DSG3: variants seen among roughly 807,000 people sequenced by gnomAD.
DSG3 encodes the protein desmoglein 3.
A neutral mutation model predicts 85.9 loss-of-function variants in DSG3; 63 were observed. The ratio of observed to expected loss-of-function variants is 0.73; its 90% CI spans 0.60 to 0.90. The LOEUF (loss-of-function observed/expected upper bound fraction) is 0.90, where lower values mean the gene tolerates loss of function less well. Among genes scored for constraint, DSG3 ranks in the 40% least tolerant of loss-of-function variants. DSG3 has a pLI of 0.00. For missense variants in DSG3, 1,220 were observed against 1,219.9 expected (o/e 1.00, Z 0.00); for synonymous variants, 447 against 441.9 (o/e 1.01, Z -0.14).
chr18:31,456,857 G>A, intron 2 of DSG3, 136 bp from the exon 3 acceptor site: 2 of 768,454 alleles, frequency 2.6e-6, no homozygotes, highest in Non-Finnish European at 4.1e-6. Context: ...AAAGTATCAG[G>A]TAGAGCTAAT....
intron 9 of DSG3, 118 bp downstream of exon 9, chr18:31,464,500 A>C (rs1462022292): frequency 8.8e-7 from 1 of 1,133,924 alleles, no homozygotes; most frequent in Middle Eastern, 2.8e-4. Context: ...GATTAAAAAC[A>C]AGAAACTGGG....
chr18:31,453,210 A>C (rs940568389), intron 1 of DSG3, among the ~76,000 whole-genome samples: 6 of 152,234 alleles, frequency 3.9e-5, no homozygotes, highest in African/African-American at 1.4e-4. Flanking sequence ...TAATAAATAC[A>C]AAATCATGTT....
intron 3 of DSG3, 119 bp from the exon 4 acceptor site, chr18:31,458,326 G>A: frequency 8.8e-7 from 1 of 1,133,952 alleles, no homozygotes; most frequent in East Asian, 2.4e-5. Context: ...AAAGTAAATG[G>A]CACAATGTCA....
Position 31,466,552 on chromosome 18 carries a change from A to G in DSG3, c.1434A>G (p.Thr478=), listed in dbSNP as rs946815996. The change falls in exon 11 of 16, where the codon ACA becomes ACG. Residue 478 remains threonine (T), a synonymous_variant. Coordinates refer to ENST00000257189, the MANE Select transcript of DSG3 (RefSeq NM_001944.3). Reference sequence around the variant, plus strand: ...CAGAATACACGGGTAAAACTTCTACAGGCACGGTATATGTTAGAGTACCCG... The same window carrying G: ...CAGAATACACGGGTAAAACTTCTACGGGCACGGTATATGTTAGAGTACCCG... ...AIDEYTGKTS[T]GTVYVRVPDF... is the part of the protein sequence containing the mutation. The G allele has an allele frequency of 6.2e-7, 1 of 1,614,204 alleles. No individual in the cohort carries two copies. The highest frequency in any genetic ancestry group is 8.5e-7 in the Non-Finnish European group (1 of 1,180,010).
chr18:31,462,663 G>T (rs1288874418), intron 8 of DSG3, among the ~76,000 whole-genome samples: 2 of 152,130 alleles, frequency 1.3e-5, no homozygotes, highest in Non-Finnish European at 2.9e-5. Context: ...TTTCCTCACA[G>T]CATACAGCCT....
At chr18:31,472,171 T>A in intron 12 of DSG3, 113 bp from the exon 13 acceptor site, 1 of 1,491,182 alleles carries the variant, frequency 6.7e-7, no homozygotes, top group African/African-American at 1.4e-5. Context: ...TTAGGAATTT[T>A]CTACAAATAT....
rs1167064369 is a variant in DSG3 at position 31,464,239 on chromosome 18, T to C, written c.1128T>C (p.Asn376=). ...CCCCAGTCACAATTCAGGTAATAAA[T>C]GTAAGAGAAGGAATTGCATTCCGTC... The part of the protein sequence containing the change: ...QSTPVTIQVI[N]VREGIAFRPA... The change falls in exon 9 of 16, where the codon AAT becomes AAC. Residue 376 remains asparagine (N), a synonymous_variant. Coordinates refer to ENST00000257189, the MANE Select transcript of DSG3 (RefSeq NM_001944.3). The C allele has an allele frequency of 1.9e-6, 3 of 1,614,050 alleles. No individual in the cohort carries two copies. Among genetic ancestry groups the C allele is most frequent in the African/African-American group, 1.3e-5 (1 of 74,930 alleles).
At chr18:31,461,027 G>A (rs72925140) in intron 7 of DSG3, 66 bp downstream of exon 7, 22,372 of 1,459,080 alleles carry the variant, frequency 0.015, 248 homozygotes, top group Middle Eastern at 0.034. Context: ...CCTAATTCAG[G>A]ACTTGCCTGT....
At position 31,472,356 on chromosome 18, in the gene DSG3, C is replaced by T. The variant is rs752158504; in HGVS notation, c.1970C>T (p.Pro657Leu). The T allele has an allele frequency of 1.9e-6, 3 of 1,614,156 alleles. No homozygotes were observed. The highest frequency in any genetic ancestry group is 1.1e-5 in the South Asian group (1 of 91,084). ...GGGGGAGTGACAGGTGGTTTTATCC[C>T]AGTTCCTGATGGCTCAGAAGGAACA... Reference protein sequence around the residue: ...STGGVTGGFIPVPDGSEGTIH... With the variant: ...STGGVTGGFILVPDGSEGTIH... The change falls in exon 13 of 16, where the codon CCA becomes CTA. Residue 657 changes from proline to leucine, a missense_variant. By Grantham distance (98) the Pro-to-Leu change is moderately conservative. Transcript: ENST00000257189.
intron 5 of DSG3, 103 bp from the exon 6 acceptor site, chr18:31,459,742 A>G: frequency 1.7e-6 from 2 of 1,151,124 alleles, no homozygotes; most frequent in Non-Finnish European, 2.4e-6. Flanking sequence ...TGATTTTAGG[A>G]TATTTAAAAA....
Position 31,465,476 on chromosome 18 carries a change from T to A in DSG3, c.1411+19T>A. The A allele has an allele frequency of 7.0e-7, 1 of 1,436,502 alleles. No homozygotes were observed. Among genetic ancestry groups the A allele is most frequent in the Non-Finnish European group, 9.2e-7 (1 of 1,090,370 alleles). 89.0% of individuals were successfully genotyped at this position (1,436,502 alleles called of 1,614,324 possible). A position where few individuals can be genotyped will look rare whatever the true frequency, so the allele number is the denominator to read the frequency against. On this transcript the variant is annotated intron_variant, in intron 10 of 15. Coordinates refer to ENST00000257189, the MANE Select transcript of DSG3 (RefSeq NM_001944.3). ...ATAGATGGTAAGAAAAATATTTGAATCATTTCAGAGGAATGTTATCGTAAT... is the reference window on the plus strand; with the variant it reads ...ATAGATGGTAAGAAAAATATTTGAAACATTTCAGAGGAATGTTATCGTAAT...
At chr18:31,472,496 A>C (rs2072862308) in intron 13 of DSG3, 73 bp downstream of exon 13, 1 of 1,513,386 alleles carries the variant, frequency 6.6e-7, no homozygotes, top group Admixed American at 2.1e-5. Context: ...GAGATAGGAA[A>C]AGAGGCAAAG....
chr18:31,466,795 C>T (rs2072823529), intron 11 of DSG3, 41 bp downstream of exon 11: 3 of 1,525,402 alleles, frequency 2.0e-6, no homozygotes, highest in East Asian at 4.5e-5. Context: ...GCAAACTGCT[C>T]CTTTGTATTT....
At position 31,478,184 on chromosome 18, in the gene DSG3, G is replaced by A. The variant is rs1444725891; in HGVS notation, c.*1924G>A. The stretch of plus-strand genomic sequence containing the variant: ...TAGATCCTGTGCAGCAGCCTGGTAA[G>A]TCCTGAGGAGGTTCCATTGCTCTTC... On this transcript the variant is annotated 3_prime_UTR_variant, in exon 16 of 16. Transcript: ENST00000257189. 6 of 152,272 alleles carry A rather than the reference G, an allele frequency of 3.9e-5. No individual in the cohort carries two copies. In the East Asian group the frequency reaches 1.2e-3, roughly 29 times the overall value. The allele number at this position is 152,272 out of a possible 1,614,324, so 9.4% of individuals were successfully genotyped here.
At chr18:31,468,827 G>A (rs992880179) in intron 11 of DSG3, among the ~76,000 whole-genome samples, 2 of 152,114 alleles carry the variant, frequency 1.3e-5, no homozygotes, top group African/African-American at 2.4e-5. Flanking sequence ...CAGTAAGAGT[G>A]AGTTGTTATA....
rs746223498 is a variant in DSG3, at chr18:31,464,360, A to G, written c.1249A>G (p.Asn417Asp). Residue 417 changes from asparagine to aspartate, a missense_variant, in exon 9 of 16, where the codon AAC becomes GAC. Asn to Asp is a conservative substitution (Grantham distance 23). Transcript: ENST00000257189. Reference sequence around the variant, plus strand: ...ATATCAAGCCATCGATGAGGACACTAACAAAGCTGCCTCAAATGTCAAGTA... The same window carrying G: ...ATATCAAGCCATCGATGAGGACACTGACAAAGCTGCCTCAAATGTCAAGTA... The part of the protein sequence containing the change: ...GTYQAIDEDT[N>D]KAASNVKYVM... 2 of 1,609,514 alleles carry G rather than the reference A, an allele frequency of 1.2e-6. No homozygotes were observed. The highest frequency in any genetic ancestry group is 1.7e-6 in the Non-Finnish European group (2 of 1,177,646).
intron 3 of DSG3, among the ~76,000 whole-genome samples, chr18:31,457,690 C>T (rs1276449730): frequency 3.3e-5 from 5 of 151,012 alleles, no homozygotes; most frequent in African/African-American, 2.4e-5. Context: ...TGCTGTGGCG[C>T]GATCTCAGCT....
chr18:31,468,688 C>T (rs1375636103), intron 11 of DSG3, among the ~76,000 whole-genome samples: 1 of 152,162 alleles, frequency 6.6e-6, no homozygotes, highest in Admixed American at 6.5e-5. Context: ...TCTTCCAAAG[C>T]TCATGTGTTG....
At chr18:31,453,433 A>G (rs2072723259) in intron 1 of DSG3, among the ~76,000 whole-genome samples, 1 of 151,764 alleles carries the variant, frequency 6.6e-6, no homozygotes, top group South Asian at 2.1e-4. Context: ...AGCAGGTGCT[A>G]TTATACTTGC....
Sources: gnomAD v4.1 joint callset for allele counts (sites outside exome capture counted in the v4.1 genomes callset) on GRCh38, gnomAD v4.1.1 for gene constraint, MANE v1.5 for transcripts, NCBI Gene and HGNC (gene_info 2026-07-23, HGNC 2026-07-21) for gene names.